CEP43: variants seen among roughly 807,000 people sequenced by gnomAD.
CEP43 encodes FGFR1 oncogene partner.
CEP43 carries 36 observed loss-of-function variants against 52.6 expected under a neutral mutation model. The ratio of observed to expected loss-of-function variants is 0.68; its 90% confidence interval spans 0.52 to 0.90. The LOEUF (loss-of-function observed/expected upper bound fraction) is 0.90, where lower values mean the gene tolerates loss of function less well. Ranked by LOEUF, CEP43 falls within the 40% of genes least tolerant of loss-of-function variation. The probability of loss-of-function intolerance (pLI) is 0.00; values close to 1 mark genes in which losing one functional copy is unlikely to be tolerated. For synonymous variants in CEP43, 192 were observed against 172.4 expected, an observed-to-expected ratio of 1.11 and a Z score of -0.89; for missense variants, 506 against 472.8, an observed-to-expected ratio of 1.07 and a Z score of -0.65.
At chr6:167,014,813 A>G (rs867016329) in intron 7 of CEP43, among the ~76,000 whole-genome samples, 25 of 152,242 alleles carry the variant, frequency 1.6e-4, no homozygotes, top group African/African-American at 4.3e-4. Context: ...AACACATTTA[A>G]CACAGTTCTC....
intron 8 of CEP43, among the ~76,000 whole-genome samples, chr6:167,023,164 T>TG (rs1780277898): frequency 6.6e-6 from 1 of 151,844 alleles, no homozygotes. Context: ...GGAGGCGAGT[T>TG]GGGGGTAGCA....
intron 3 of CEP43, chr6:167,003,511 T>G (rs1779784277): frequency 1.9e-6 from 1 of 537,666 alleles, no homozygotes; most frequent in African/African-American, 1.9e-5. Context: ...GAGATGATTG[T>G]CTTACAGTTA....
rs1356637019 is a variant in CEP43 at position 167,006,912 on chromosome 6, AACTT to A, written c.438+2516_438+2519del. 2.6e-5 allele frequency among the ~76,000 whole-genome samples: 4 copies of A among 152,208 alleles called. No individual in the cohort carries two copies. In the East Asian group the frequency reaches 7.7e-4, roughly 29 times the overall value. ...AGTATATTCGAATCCTGTGTGGAAA[AACTT>A]ACTTTCTTCTCTTTACCTCTAAAAA... On this transcript the variant is annotated intron_variant, in intron 5 of 12. Coordinates refer to ENST00000366847, the MANE Select transcript of CEP43 (RefSeq NM_007045.4).
Position 167,040,848 on chromosome 6 carries a change from A to G in CEP43, c.*870A>G, listed in dbSNP as rs1454088586. ...AATGAAATAGTAGTAATGGCCTAAG[A>G]CCATGTTCAGTTTGACAAGCTTTAT... On this transcript the variant is annotated 3_prime_UTR_variant, in exon 13 of 13. Transcript: ENST00000366847. 10 of 1,024,462 alleles carry G rather than the reference A, an allele frequency of 9.8e-6. No homozygotes were observed. The highest frequency in any genetic ancestry group is 1.2e-5 in the Non-Finnish European group (10 of 852,982). The allele number at this position is 1,024,462 out of a possible 1,614,324, so 63.5% of individuals were successfully genotyped here. A position where few individuals can be genotyped will look rare whatever the true frequency, so the allele number is the denominator to read the frequency against.
At chr6:167,027,013 C>G (rs9459845) in intron 10 of CEP43, among the ~76,000 whole-genome samples, 63,897 of 152,028 alleles carry the variant, frequency 0.42, 13,664 homozygotes, top group Non-Finnish European at 0.47. Context: ...TGGTTAAGTA[C>G]ATGTATAAGA....
At chr6:167,030,876 A>C (rs79452434) in intron 10 of CEP43, among the ~76,000 whole-genome samples, 64,745 of 151,212 alleles carry the variant, frequency 0.43, 14,110 homozygotes, top group Non-Finnish European at 0.49. Context: ...CCTTTGTACA[A>C]AGCTTCCCTT....
chr6:167,036,000 A>G lies in CEP43; in HGVS notation c.1125+2029A>G, dbSNP rs35007672. 1.1e-4 allele frequency: 101 copies of G among 925,450 alleles called. No homozygotes were observed. The Middle Eastern group carries it at 1.7e-3, about 15-fold the overall frequency. The allele number at this position is 925,450 out of a possible 1,614,324, so 57.3% of individuals were successfully genotyped here. ...AACAGGCATTCAATAAATGGTATCTAATACTATTATTCATTGTAGTCACAA... is the reference window on the plus strand; with the variant it reads ...AACAGGCATTCAATAAATGGTATCTGATACTATTATTCATTGTAGTCACAA... On this transcript the variant is annotated intron_variant, in intron 12 of 12. Coordinates refer to ENST00000366847, the MANE Select transcript of CEP43 (RefSeq NM_007045.4).
chr6:166,999,811 C>A, intron 1 of CEP43: 1 of 555,286 alleles, frequency 1.8e-6, no homozygotes. Context: ...CGCAGCTGGG[C>A]CCTGGAGTGC....
chr6:167,009,485 G>C (rs1452386139), intron 5 of CEP43, among the ~76,000 whole-genome samples: 1 of 108,478 alleles, frequency 9.2e-6, no homozygotes, highest in African/African-American at 3.7e-5. Flanking sequence ...ACTCCACAGA[G>C]CGAGACTCTG....
intron 9 of CEP43, 95 bp downstream of exon 9, chr6:167,024,989 C>T (rs1562530161): frequency 1.4e-6 from 1 of 720,010 alleles, no homozygotes; most frequent in Non-Finnish European, 2.4e-6. Context: ...CCAGGAAAAT[C>T]ACTAAAATAA....
intron 2 of CEP43, among the ~76,000 whole-genome samples, chr6:167,000,901 T>G (rs1343333778): frequency 6.6e-6 from 1 of 151,076 alleles, no homozygotes; most frequent in East Asian, 1.9e-4. Context: ...AACTAACTCT[T>G]CCCACTTTGC....
intron 10 of CEP43, among the ~76,000 whole-genome samples, 175 bp downstream of exon 10, chr6:167,026,790 TACAGCA>T (rs1160232046): frequency 6.6e-6 from 1 of 152,234 alleles, no homozygotes; most frequent in Non-Finnish European, 1.5e-5. Context: ...GAGAGATGGC[TACAGCA>T]ACAGCCATCA....
Position 167,024,854 on chromosome 6 carries a change from C to G in CEP43, c.879C>G (p.Leu293=). The change falls in exon 9 of 13, where the codon CTC becomes CTG. Residue 293 remains leucine, a synonymous_variant. Transcript: ENST00000366847. ...LSDAPPLKSG[L]SSLAGAPSLK... is the part of the protein sequence containing the mutation. ...ATGCACCCCCCTTAAAAAGTGGACT[C>G]AGCTCCCTGGCGGGAGCCCCTTCTT... is the stretch of plus-strand genomic sequence containing the variant. The G allele has an allele frequency of 6.2e-7, 1 of 1,613,836 alleles. No individual in the cohort carries two copies. The highest frequency in any genetic ancestry group is 1.6e-4 in the Middle Eastern group (1 of 6,062).
intron 10 of CEP43, among the ~76,000 whole-genome samples, chr6:167,029,245 T>C (rs1336247772): frequency 6.6e-6 from 1 of 152,050 alleles, no homozygotes; most frequent in Non-Finnish European, 1.5e-5. Flanking sequence ...AGACAGAGGG[T>C]ATGGGATGGG....
At position 167,041,054 on chromosome 6, in the gene CEP43, T is replaced by C; in HGVS notation, c.*1076T>C. The C allele has an allele frequency of 9.7e-7, 1 of 1,031,914 alleles. No homozygotes were observed. Among genetic ancestry groups the C allele is most frequent in the Non-Finnish European group, 1.2e-6 (1 of 858,116 alleles). 63.9% of individuals were successfully genotyped at this position (1,031,914 alleles called of 1,614,324 possible). On this transcript the variant is annotated 3_prime_UTR_variant, in exon 13 of 13. Coordinates refer to ENST00000366847, the MANE Select transcript of CEP43 (RefSeq NM_007045.4). ...AGAAAGTGATGCATGCATATTTATATATAAGTAAAGCAGGATTGTGCTGTT... is the reference window on the plus strand; with the variant it reads ...AGAAAGTGATGCATGCATATTTATACATAAGTAAAGCAGGATTGTGCTGTT...
At chr6:167,017,682 C>T (rs1212899116) in intron 7 of CEP43, among the ~76,000 whole-genome samples, 1 of 150,572 alleles carries the variant, frequency 6.6e-6, no homozygotes, top group Non-Finnish European at 1.5e-5. Flanking sequence ...TTCTCTAGTG[C>T]TGACTTTTTG....
At chr6:167,019,566 G>C (rs201913086) in intron 7 of CEP43, among the ~76,000 whole-genome samples, 1 of 152,334 alleles carries the variant, frequency 6.6e-6, no homozygotes, top group East Asian at 1.9e-4. Context: ...TTTAGAACTA[G>C]ATTTTGAGAG....
chr6:167,003,270 G>A, intron 3 of CEP43, 23 bp downstream of exon 3: 1 of 1,363,594 alleles, frequency 7.3e-7, no homozygotes, highest in Non-Finnish European at 1.0e-6. Context: ...GTTTGTTCTT[G>A]TTTATCTATC....
intron 12 of CEP43, among the ~76,000 whole-genome samples, chr6:167,037,200 G>C (rs1205848091): frequency 6.6e-6 from 1 of 152,138 alleles, no homozygotes; most frequent in East Asian, 1.9e-4. Context: ...TGTTCTTCTT[G>C]GAAGTTTCTG....
Sources: gnomAD v4.1 joint callset for allele counts (sites outside exome capture counted in the v4.1 genomes callset) on GRCh38, gnomAD v4.1.1 for gene constraint, MANE v1.5 for transcripts, NCBI Gene and HGNC (gene_info 2026-07-23, HGNC 2026-07-21) for gene names.